Variants in GPC5 observed in about 807,000 individuals in gnomAD.
The protein encoded by GPC5 is glypican 5.
In GPC5, 47 loss-of-function variants were observed where a neutral mutation model predicts 53.9. The observed-to-expected ratio is 0.87, with a 90% confidence interval of 0.69 to 1.11. GPC5 has a LOEUF of 1.11. GPC5 is among the 50% of genes most tolerant of loss of function. The pLI, the probability that GPC5 is intolerant of heterozygous loss-of-function variation, is 0.00. For synonymous variants in GPC5, 286 were observed against 263.3 expected (o/e 1.09, Z -0.84); for missense variants, 748 against 713.1 (o/e 1.05, Z -0.56).
chr13:91,635,867 A>G (rs1438955130), intron 2 of GPC5, among the ~76,000 whole-genome samples: 2 of 152,126 alleles, frequency 1.3e-5, no homozygotes, highest in East Asian at 1.9e-4. Flanking sequence ...TTAGGGAGGA[A>G]ATTGACATCT....
At chr13:92,213,156 G>T (rs1369529734) in intron 7 of GPC5, among the ~76,000 whole-genome samples, 1 of 152,192 alleles carries the variant, frequency 6.6e-6, no homozygotes, top group Non-Finnish European at 1.5e-5. Flanking sequence ...TCAAATAGTT[G>T]ATTTGATTGC....
At chr13:92,775,185 C>A (rs948727051) in intron 7 of GPC5, among the ~76,000 whole-genome samples, 3 of 152,148 alleles carry the variant, frequency 2.0e-5, no homozygotes, top group Admixed American at 6.5e-5. Context: ...CAAAACAGAG[C>A]TCTTTAATAA....
intron 7 of GPC5, among the ~76,000 whole-genome samples, chr13:92,665,186 C>T (rs554010701): frequency 2.0e-5 from 3 of 152,068 alleles, no homozygotes; most frequent in Non-Finnish European, 4.4e-5. Context: ...CCAGGAACAA[C>T]AGTAATTTGG....
chr13:92,291,340 T>C (rs1169002858), intron 7 of GPC5, among the ~76,000 whole-genome samples: 1 of 152,106 alleles, frequency 6.6e-6, no homozygotes, highest in Non-Finnish European at 1.5e-5. Flanking sequence ...AACCTTTATG[T>C]CTAGCTAAGG....
intron 7 of GPC5, among the ~76,000 whole-genome samples, chr13:92,156,062 T>C (rs990132620): frequency 2.0e-5 from 3 of 152,222 alleles, no homozygotes; most frequent in Non-Finnish European, 4.4e-5. Context: ...CTAAATCTAC[T>C]GAGTTTCCTG....
chr13:91,580,415 T>A (rs2032317257), intron 2 of GPC5, among the ~76,000 whole-genome samples: 1 of 152,178 alleles, frequency 6.6e-6, no homozygotes, highest in South Asian at 2.1e-4. Flanking sequence ...TTATAAAATA[T>A]CATATGAGTA....
rs1290701180 is a variant in GPC5, at chr13:92,669,953, GT to G, written c.1562-196324del. Among the ~76,000 whole-genome samples, 23 of 152,204 alleles carry G rather than the reference GT, an allele frequency of 1.5e-4. No individual in the cohort carries two copies. The East Asian group carries it at 4.3e-3, about 28-fold the overall frequency. The stretch of plus-strand genomic sequence containing the variant: ...TGTTATTTGCCGTCACACAATCTAT[GT>G]TTTTCTACATTTATACCAATAATTT... On this transcript the variant is annotated intron_variant, in intron 7 of 7. Transcript: ENST00000377067.
chr13:91,626,523 A>G (rs892449862), intron 2 of GPC5, among the ~76,000 whole-genome samples: 2 of 152,144 alleles, frequency 1.3e-5, no homozygotes, highest in African/African-American at 4.8e-5. Context: ...AGGAAGATAT[A>G]TTATGGGAGC....
chr13:92,297,684 C>A (rs1434899200), intron 7 of GPC5, among the ~76,000 whole-genome samples: 1 of 152,124 alleles, frequency 6.6e-6, no homozygotes, highest in Non-Finnish European at 1.5e-5. Flanking sequence ...CCAATCAGCG[C>A]CCTGACAAAA....
Position 92,242,251 on chromosome 13 carries a change from A to C in GPC5, c.1561+97262A>C, listed in dbSNP as rs1433367277. ...CTGTCTCAAAAAAAAAAAAAAAAAA[A>C]ATTATTCAGTTCACCAAGCCCACCA... On this transcript the variant is annotated intron_variant, in intron 7 of 7. Coordinates refer to ENST00000377067, the MANE Select transcript of GPC5 (RefSeq NM_004466.6). Among the ~76,000 whole-genome samples the C allele has an allele frequency of 2.5e-4, 38 of 151,308 alleles. No individual in the cohort carries two copies. In the South Asian group the frequency reaches 7.7e-3, roughly 31 times the overall value.
At chr13:92,763,724 A>AT (rs1875283934) in intron 7 of GPC5, among the ~76,000 whole-genome samples, 1 of 152,166 alleles carries the variant, frequency 6.6e-6, no homozygotes. Context: ...AAGGACGGTG[A>AT]TTCTGAGGCA....
chr13:92,524,643 A>C (rs992527655), intron 7 of GPC5, among the ~76,000 whole-genome samples: 2 of 152,142 alleles, frequency 1.3e-5, no homozygotes, highest in Non-Finnish European at 2.9e-5. Context: ...AGGCCAACTC[A>C]TTCTAAAGTC....
chr13:92,828,987 C>A (rs1877951669), intron 7 of GPC5, among the ~76,000 whole-genome samples: 1 of 152,068 alleles, frequency 6.6e-6, no homozygotes, highest in Non-Finnish European at 1.5e-5. Flanking sequence ...GCACTTGTAT[C>A]CCTAAATCCA....
chr13:91,604,173 G>T (rs894716319), intron 2 of GPC5, among the ~76,000 whole-genome samples: 1 of 141,024 alleles, frequency 7.1e-6, no homozygotes. Flanking sequence ...TCATTGTTCA[G>T]TTCCCACCTA....
chr13:92,838,374 C>G (rs946270037), intron 7 of GPC5, among the ~76,000 whole-genome samples: 1 of 151,738 alleles, frequency 6.6e-6, no homozygotes, highest in Admixed American at 6.6e-5. Context: ...GTCCCAGCTA[C>G]TCAGGAGGCT....
At chr13:92,070,681 A>G (rs1235133444) in intron 6 of GPC5, among the ~76,000 whole-genome samples, 1 of 152,228 alleles carries the variant, frequency 6.6e-6, no homozygotes, top group Non-Finnish European at 1.5e-5. Flanking sequence ...AAGCTAATGA[A>G]GTAACACATG....
intron 7 of GPC5, among the ~76,000 whole-genome samples, chr13:92,450,568 G>T (rs1208306819): frequency 1.3e-5 from 2 of 152,110 alleles, no homozygotes; most frequent in Non-Finnish European, 2.9e-5. Context: ...CTGGATTTCA[G>T]TTTACAGTTC....
Position 91,728,601 on chromosome 13 carries a change from A to C in GPC5, c.1090A>C (p.Lys364Gln). Residue 364 changes from lysine to glutamine, a missense_variant, in exon 4 of 8, where the codon AAA (lysine) becomes CAA (glutamine). Coordinates refer to ENST00000377067, the MANE Select transcript of GPC5 (RefSeq NM_004466.6). ...QSPRCSFDQS[K>Q]EKHGMKTTTR... ...CCCCCGTTGTTCTTTTGATCAGAGC[A>C]AAGAGAAGCATGGAATGAAGACCAC... 1 of 1,613,586 alleles carries C rather than the reference A, an allele frequency of 6.2e-7. No individual in the cohort carries two copies. The highest frequency in any genetic ancestry group is 8.5e-7 in the Non-Finnish European group (1 of 1,179,626).
intron 2 of GPC5, among the ~76,000 whole-genome samples, chr13:91,560,621 C>T (rs1035689040): frequency 6.6e-6 from 1 of 152,078 alleles, no homozygotes; most frequent in African/African-American, 2.4e-5. Context: ...AACCAGTGAT[C>T]CCAGATGGGT....
Sources: gnomAD v4.1 joint callset for allele counts (sites outside exome capture counted in the v4.1 genomes callset) on GRCh38, gnomAD v4.1.1 for gene constraint, MANE v1.5 for transcripts, NCBI Gene and HGNC (gene_info 2026-07-23, HGNC 2026-07-21) for gene names.